Variants in SLC8A1 observed in about 807,000 individuals in gnomAD.
SLC8A1 encodes the protein solute carrier family 8 member A1, also known as sodium/calcium exchanger 1.
SLC8A1 carries 18 observed loss-of-function variants against 68.3 expected under a neutral mutation model. The observed-to-expected ratio is 0.26, with a 90% CI of 0.18 to 0.39. The LOEUF (loss-of-function observed/expected upper bound fraction) is 0.39, where lower values mean the gene tolerates loss of function less well. SLC8A1 is among the 10% of genes least tolerant of loss of function. The probability of loss-of-function intolerance (pLI) is 1.00; values close to 1 mark genes in which losing one functional copy is unlikely to be tolerated. For synonymous variants in SLC8A1, 475 were observed against 415.5 expected, an observed-to-expected ratio of 1.14 and a Z score of -1.74; for missense variants, 985 against 1,156.7, an observed-to-expected ratio of 0.85 and a Z score of 2.15.
intron 2 of SLC8A1, among the ~76,000 whole-genome samples, chr2:40,352,469 A>T (rs547179508): frequency 6.6e-6 from 1 of 152,172 alleles, no homozygotes; most frequent in Non-Finnish European, 1.5e-5. Context: ...TTCTCTTTCT[A>T]TAATCCTCAG....
At chr2:40,366,040 T>C (rs1198165209) in intron 2 of SLC8A1, among the ~76,000 whole-genome samples, 1 of 151,826 alleles carries the variant, frequency 6.6e-6, no homozygotes, top group African/African-American at 2.4e-5. Flanking sequence ...AAAATTTGGA[T>C]CCAGAGAACT....
At chr2:40,436,994 G>A (rs1253460802) in intron 1 of SLC8A1, among the ~76,000 whole-genome samples, 2 of 152,020 alleles carry the variant, frequency 1.3e-5, no homozygotes, top group Admixed American at 6.6e-5. Context: ...ACTTGTCCCA[G>A]GTACTGTGCT....
At chr2:40,496,954 T>C (rs1014409439) in intron 1 of SLC8A1, among the ~76,000 whole-genome samples, 3 of 146,168 alleles carry the variant, frequency 2.1e-5, no homozygotes, top group Non-Finnish European at 4.5e-5. Flanking sequence ...GGGATAGCAT[T>C]GGGAGATATA....
intron 1 of SLC8A1, among the ~76,000 whole-genome samples, chr2:40,464,188 C>G (rs1242789303): frequency 6.6e-6 from 1 of 152,164 alleles, no homozygotes; most frequent in Non-Finnish European, 1.5e-5. Flanking sequence ...AGCCACCACA[C>G]CTGGCCAAAA....
chr2:40,479,537 A>G (rs1324258190), intron 1 of SLC8A1, among the ~76,000 whole-genome samples: 1 of 152,178 alleles, frequency 6.6e-6, no homozygotes, highest in African/African-American at 2.4e-5. Context: ...ATTTGGACAT[A>G]ATAGTAGTAG....
intron 7 of SLC8A1, among the ~76,000 whole-genome samples, chr2:40,129,174 A>T (rs1480193460): frequency 6.6e-6 from 1 of 152,224 alleles, no homozygotes; most frequent in Non-Finnish European, 1.5e-5. Context: ...AAAGATGCAG[A>T]CTGAGACAGC....
chr2:40,244,544 G>T (rs1392350569), intron 2 of SLC8A1, among the ~76,000 whole-genome samples: 1 of 136,954 alleles, frequency 7.3e-6, no homozygotes. Context: ...GTAGGCAAGT[G>T]GTGTGCATGA....
At chr2:40,484,019 T>C (rs1261983154) in intron 1 of SLC8A1, among the ~76,000 whole-genome samples, 1 of 152,212 alleles carries the variant, frequency 6.6e-6, no homozygotes, top group Non-Finnish European at 1.5e-5. Context: ...TTATTGAGAA[T>C]GCTGACCTCA....
chr2:40,486,297 A>G (rs1234080507), intron 1 of SLC8A1, among the ~76,000 whole-genome samples: 1 of 152,238 alleles, frequency 6.6e-6, no homozygotes, highest in South Asian at 2.1e-4. Context: ...GCATGAGAAC[A>G]GACTAATACA....
At chr2:40,264,153 C>A (rs1323929342) in intron 2 of SLC8A1, among the ~76,000 whole-genome samples, 2 of 151,632 alleles carry the variant, frequency 1.3e-5, no homozygotes, top group Non-Finnish European at 2.9e-5. Flanking sequence ...CAATGAGATA[C>A]CATCTCACAC....
chr2:40,252,345 T>C (rs563406068), intron 2 of SLC8A1, among the ~76,000 whole-genome samples: 3 of 152,096 alleles, frequency 2.0e-5, no homozygotes, highest in African/African-American at 4.8e-5. Context: ...TTTTGATTGA[T>C]TGATTGAGAT....
intron 1 of SLC8A1, among the ~76,000 whole-genome samples, chr2:40,485,835 A>T (rs1280773907): frequency 6.6e-6 from 1 of 152,212 alleles, no homozygotes; most frequent in Non-Finnish European, 1.5e-5. Context: ...GTGCTCAAAA[A>T]ATACTGTGTA....
chr2:40,222,643 C>T (rs1324933991), intron 2 of SLC8A1, among the ~76,000 whole-genome samples: 1 of 152,038 alleles, frequency 6.6e-6, no homozygotes, highest in Non-Finnish European at 1.5e-5. Flanking sequence ...GGCTAATATC[C>T]AGAATCTACA....
intron 4 of SLC8A1, among the ~76,000 whole-genome samples, chr2:40,168,659 C>T (rs1053473599): frequency 1.3e-5 from 2 of 152,134 alleles, no homozygotes; most frequent in African/African-American, 4.8e-5. Flanking sequence ...AAATTTTAAT[C>T]ATCTATTTTG....
chr2:40,278,515 A>C (rs2149174022), intron 2 of SLC8A1, among the ~76,000 whole-genome samples: 1 of 152,220 alleles, frequency 6.6e-6, no homozygotes, highest in African/African-American at 2.4e-5. Context: ...AAGAAAGAAA[A>C]GCCATCACAA....
chr2:40,170,371 A>G lies in SLC8A1; in HGVS notation c.1930+4454T>C, dbSNP rs766296242. 1.9e-6 allele frequency: 3 copies of G among 1,605,960 alleles called. No homozygotes were observed. In the South Asian group the frequency reaches 3.3e-5, roughly 18 times the overall value. ...TGGCCTAGCAAAAGGACAGGCAGAAAAATCAGCAGAATGGATTGCATTGAT... is the reference window on the plus strand; with the variant it reads ...TGGCCTAGCAAAAGGACAGGCAGAAGAATCAGCAGAATGGATTGCATTGAT... On this transcript the variant is annotated intron_variant, in intron 4 of 7. Coordinates refer to ENST00000406785, the Ensembl canonical transcript of SLC8A1.
intron 1 of SLC8A1, among the ~76,000 whole-genome samples, chr2:40,466,877 C>T (rs550439632): frequency 1.3e-5 from 2 of 151,032 alleles, no homozygotes; most frequent in Admixed American, 6.6e-5. Context: ...GATTACTTGA[C>T]ATCAACTCAT....
chr2:40,349,234 C>A (rs1670305763), intron 2 of SLC8A1, among the ~76,000 whole-genome samples: 1 of 152,048 alleles, frequency 6.6e-6, no homozygotes, highest in South Asian at 2.1e-4. Flanking sequence ...CTGAAAAAAA[C>A]CGAAGACATG....
exon 2 of SLC8A1, chr2:40,428,590 G>C (rs1012029262): frequency 1.2e-6 from 2 of 1,613,890 alleles, no homozygotes; most frequent in South Asian, 1.1e-5. Flanking sequence ...TCGAGCTCCA[G>C]ATGTTCTCAA....
Sources: allele counts gnomAD v4.1 joint callset (sites outside exome capture counted in the v4.1 genomes callset), GRCh38; gene constraint gnomAD v4.1.1; transcripts MANE v1.5; gene names NCBI Gene and HGNC (gene_info 2026-07-23, HGNC 2026-07-21).